EPHA6: variants seen among roughly 807,000 people sequenced by gnomAD.
EPHA6 encodes the protein ephrin type-A receptor 6.
In EPHA6, 50 loss-of-function variants were observed where a neutral mutation model predicts 112.0. The observed-to-expected ratio is 0.45, with a 90% confidence interval of 0.36 to 0.56. The LOEUF is 0.56. Among genes scored for constraint, EPHA6 ranks in the 20% least tolerant of loss-of-function variants. EPHA6 has a pLI of 0.00. For synonymous variants in EPHA6, 529 were observed against 490.7 expected (o/e 1.08, Z -1.03); for missense variants, 1,280 against 1,417.4 (o/e 0.90, Z 1.56).
intron 5 of EPHA6, among the ~76,000 whole-genome samples, chr3:97,291,844 C>T (rs2108686855): frequency 6.6e-6 from 1 of 152,316 alleles, no homozygotes; most frequent in South Asian, 2.1e-4. Flanking sequence ...TAGGGTGTCA[C>T]TTCACCAGCC....
chr3:97,342,452 C>T (rs369399372), intron 5 of EPHA6, among the ~76,000 whole-genome samples: 1 of 152,186 alleles, frequency 6.6e-6, no homozygotes, highest in East Asian at 1.9e-4. Flanking sequence ...TGATTTTTGC[C>T]TGTATACTTT....
chr3:97,680,207 A>G (rs2031749306), intron 14 of EPHA6, among the ~76,000 whole-genome samples: 2 of 152,196 alleles, frequency 1.3e-5, no homozygotes, highest in Admixed American at 1.3e-4. Context: ...TTGGAGCCAC[A>G]GCATGTGTGC....
intron 7 of EPHA6, among the ~76,000 whole-genome samples, chr3:97,468,545 A>G (rs2091131295): frequency 6.6e-6 from 1 of 151,590 alleles, no homozygotes; most frequent in South Asian, 2.1e-4. Context: ...TATCAGTATA[A>G]TACTAAGTTG....
rs183023855 is a variant in EPHA6 at position 96,858,214 on chromosome 3, A to G, written c.386-8611A>G. On this transcript the variant is annotated intron_variant, in intron 1 of 17. Transcript: ENST00000389672. ...TTTTTTGTGTTACTCTTCTTGTCATATATAGGGTAGCCATGCTACCCTAGT... is the reference window on the plus strand; with the variant it reads ...TTTTTTGTGTTACTCTTCTTGTCATGTATAGGGTAGCCATGCTACCCTAGT... Among the ~76,000 whole-genome samples, 32 of 152,226 alleles carry G rather than the reference A, an allele frequency of 2.1e-4. 1 individual carries two copies. The East Asian group carries it at 4.6e-3, about 22-fold the overall frequency.
In EPHA6 at chr3:96,995,943, T is replaced by C. The variant is rs1313092357; in HGVS notation, c.1114+7950T>C. ...AAGTTAGCCACTTCAGTTGACTCTT[T>C]CATGAAAGATGTCTCTGTAGCATGC... On this transcript the variant is annotated intron_variant, in intron 3 of 17. Coordinates refer to ENST00000389672, the MANE Select transcript of EPHA6 (RefSeq NM_001080448.3). 2.6e-5 allele frequency among the ~76,000 whole-genome samples: 4 copies of C among 152,236 alleles called. 1 individual carries two copies. The South Asian group carries it at 6.2e-4, about 24-fold the overall frequency.
intron 3 of EPHA6, among the ~76,000 whole-genome samples, chr3:96,995,466 T>C (rs1472233776): frequency 6.6e-6 from 1 of 152,098 alleles, no homozygotes; most frequent in Non-Finnish European, 1.5e-5. Flanking sequence ...TTCCAGACTT[T>C]CATCTATCTT....
intron 3 of EPHA6, among the ~76,000 whole-genome samples, chr3:97,126,012 T>C (rs959018545): frequency 1.3e-5 from 2 of 152,202 alleles, no homozygotes; most frequent in Non-Finnish European, 2.9e-5. Flanking sequence ...ATGAGACTTA[T>C]TCAAGATCAA....
chr3:96,925,411 G>C (rs2039982373), intron 2 of EPHA6, among the ~76,000 whole-genome samples: 1 of 152,042 alleles, frequency 6.6e-6, no homozygotes, highest in South Asian at 2.1e-4. Flanking sequence ...ATTTCTTCTA[G>C]ATTTTCTAGT....
At chr3:97,327,325 A>T (rs1207850611) in intron 5 of EPHA6, among the ~76,000 whole-genome samples, 1 of 152,076 alleles carries the variant, frequency 6.6e-6, no homozygotes, top group Non-Finnish European at 1.5e-5. Flanking sequence ...AATATAAGAA[A>T]TAATACAGAG....
chr3:96,987,731 C>G lies in EPHA6; in HGVS notation c.852C>G (p.Asp284Glu), dbSNP rs55761259. ...AAGGATTTTATCTGGCTTTTCAAGA[C>G]ATTGGGGCGTGCATTGCCCTGGTTT... ...ERKGFYLAFQ[D>E]IGACIALVSV... The change falls in exon 3 of 18, where the codon GAC becomes GAG. Residue 284 changes from aspartate to glutamate, a missense_variant. Physicochemically the swap from Asp to Glu is conservative, Grantham distance 45. Around this residue, in one of 4 missense-constraint regions of EPHA6, gnomAD observed 878 missense variants for 999.7 expected, o/e 0.88. Coordinates refer to ENST00000389672, the MANE Select transcript of EPHA6 (RefSeq NM_001080448.3). 1 of 1,611,936 alleles carries G rather than the reference C, an allele frequency of 6.2e-7. No individual in the cohort carries two copies. Among genetic ancestry groups the G allele is most frequent in the Non-Finnish European group, 8.5e-7 (1 of 1,178,612 alleles).
intron 8 of EPHA6, among the ~76,000 whole-genome samples, chr3:97,478,805 G>T (rs1577523108): frequency 1.3e-5 from 2 of 152,136 alleles, no homozygotes; most frequent in Admixed American, 6.5e-5. Flanking sequence ...GGATGTTGAA[G>T]AATTTACTCA....
chr3:97,313,119 G>A (rs1414527026), intron 5 of EPHA6, among the ~76,000 whole-genome samples: 3 of 151,102 alleles, frequency 2.0e-5, no homozygotes, highest in South Asian at 2.1e-4. Flanking sequence ...TCTCTATTTC[G>A]ATGAGATCAA....
intron 3 of EPHA6, among the ~76,000 whole-genome samples, chr3:97,204,292 A>G (rs1035568002): frequency 1.3e-5 from 2 of 152,122 alleles, no homozygotes; most frequent in Admixed American, 6.6e-5. Flanking sequence ...GATAAATCAT[A>G]TATAAATGAA....
chr3:97,364,991 G>A (rs1406429488), intron 5 of EPHA6, among the ~76,000 whole-genome samples: 1 of 152,080 alleles, frequency 6.6e-6, no homozygotes, highest in Non-Finnish European at 1.5e-5. Context: ...AGACTCTGCT[G>A]AATCCAAAGG....
chr3:97,301,346 G>C (rs1230647598), intron 5 of EPHA6, among the ~76,000 whole-genome samples: 51 of 152,222 alleles, frequency 3.4e-4, no homozygotes, highest in Admixed American at 3.3e-3. Context: ...GCAGATTTAA[G>C]TATTACCTCT....
chr3:97,747,387 G>A, intron 16 of EPHA6, 36 bp from the exon 17 acceptor site: 1 of 1,450,538 alleles, frequency 6.9e-7, no homozygotes, highest in Non-Finnish European at 9.1e-7. Flanking sequence ...GCTTTTAAAT[G>A]CTCTCCATGT....
intron 3 of EPHA6, among the ~76,000 whole-genome samples, chr3:97,071,064 A>G (rs896114254): frequency 3.6e-4 from 55 of 152,048 alleles, no homozygotes; most frequent in Admixed American, 4.6e-4. Flanking sequence ...GAAAAATAGG[A>G]CTAGATCCTT....
intron 3 of EPHA6, among the ~76,000 whole-genome samples, chr3:97,112,505 T>G (rs1229125016): frequency 6.6e-6 from 1 of 152,156 alleles, no homozygotes; most frequent in Non-Finnish European, 1.5e-5. Flanking sequence ...TTCTAGAGTT[T>G]ACTTAGGGTT....
chr3:97,012,801 T>C (rs1216425619), intron 3 of EPHA6, among the ~76,000 whole-genome samples: 1 of 151,826 alleles, frequency 6.6e-6, no homozygotes, highest in African/African-American at 2.4e-5. Flanking sequence ...TCTGACTGAT[T>C]TCAAATGGTA....
Sources: gnomAD v4.1 joint callset for allele counts (sites outside exome capture counted in the v4.1 genomes callset) on GRCh38, gnomAD v4.1.1 for gene constraint, gnomAD v4.1.1 regional missense constraint, MANE v1.5 for transcripts, NCBI Gene and HGNC (gene_info 2026-07-23, HGNC 2026-07-21) for gene names.